WDR70: variants seen among roughly 807,000 people sequenced by gnomAD.
WDR70 encodes WD repeat domain 70, also known as WD repeat-containing protein 70.
WDR70 carries 53 observed loss-of-function variants against 88.6 expected under a neutral mutation model. The observed-to-expected ratio is 0.60, with a 90% CI of 0.48 to 0.75. The LOEUF is 0.75. Among genes scored for constraint, WDR70 ranks in the 30% least tolerant of loss-of-function variants. WDR70 has a pLI of 0.00. For synonymous variants in WDR70, 280 were observed against 270.0 expected, an observed-to-expected ratio of 1.04 and a Z score of -0.36; for missense variants, 610 against 823.2, an observed-to-expected ratio of 0.74 and a Z score of 3.17.
chr5:37,416,083 G>A (rs1170421049), intron 5 of WDR70, among the ~76,000 whole-genome samples: 1 of 152,068 alleles, frequency 6.6e-6, no homozygotes, highest in Non-Finnish European at 1.5e-5. Context: ...GCCAGGCAGA[G>A]ACGCTCCTCA....
chr5:37,726,646 C>A (rs57215834), intron 16 of WDR70, among the ~76,000 whole-genome samples: 3,196 of 152,162 alleles, frequency 0.021, 129 homozygotes, highest in African/African-American at 0.072. Context: ...ATATTGGTAT[C>A]ATTCTGTAAG....
At chr5:37,685,607 A>G (rs1746566455) in intron 10 of WDR70, among the ~76,000 whole-genome samples, 1 of 152,062 alleles carries the variant, frequency 6.6e-6, no homozygotes, top group Non-Finnish European at 1.5e-5. Context: ...CCTACAGCCA[A>G]AGTCTTCTAC....
intron 10 of WDR70, among the ~76,000 whole-genome samples, chr5:37,650,999 C>T (rs1312744818): frequency 6.7e-6 from 1 of 149,536 alleles, no homozygotes; most frequent in Admixed American, 6.7e-5. Context: ...TTCTGGGATA[C>T]ATGTGCAGAA....
At position 37,528,875 on chromosome 5, in the gene WDR70, T is replaced by C. The variant is rs150380818; in HGVS notation, c.917+12285T>C. Among the ~76,000 whole-genome samples, 696 of 151,162 alleles carry C rather than the reference T, an allele frequency of 4.6e-3. 3 individuals carry two copies. Among genetic ancestry groups the C allele is most frequent in the Admixed American group, 7.0e-3 (106 of 15,154 alleles). On this transcript the variant is annotated intron_variant, in intron 9 of 17. Transcript: ENST00000265107. ...GCATTTCCTTTTGGGTTCTTGGTCA[T>C]GAAGTCTTTGCCTAAGCCAATGTCT...
chr5:37,734,686 C>T (rs936520814), intron 17 of WDR70, among the ~76,000 whole-genome samples: 1 of 152,092 alleles, frequency 6.6e-6, no homozygotes, highest in East Asian at 1.9e-4. Context: ...CAGGGAAGAA[C>T]GTCTACAAAA....
chr5:37,379,597 G>T, intron 2 of WDR70, 43 bp downstream of exon 2: 2 of 1,607,920 alleles, frequency 1.2e-6, no homozygotes, highest in Non-Finnish European at 8.5e-7. Context: ...CTTGTGCAGA[G>T]GTTTGAAGAT....
intron 9 of WDR70, among the ~76,000 whole-genome samples, chr5:37,556,344 C>G (rs1342403979): frequency 2.0e-5 from 3 of 152,060 alleles, no homozygotes; most frequent in Non-Finnish European, 4.4e-5. Flanking sequence ...GGTAGACTAG[C>G]AAGTCCCTTA....
At chr5:37,452,624 A>G (rs752154817) in intron 7 of WDR70, among the ~76,000 whole-genome samples, 2 of 152,202 alleles carry the variant, frequency 1.3e-5, no homozygotes, top group South Asian at 2.1e-4. Flanking sequence ...GAATCCACAC[A>G]TGCCTATAAC....
At chr5:37,622,890 A>C (rs1273676816) in intron 10 of WDR70, among the ~76,000 whole-genome samples, 2 of 152,186 alleles carry the variant, frequency 1.3e-5, no homozygotes, top group Non-Finnish European at 2.9e-5. Flanking sequence ...TTAATGTATA[A>C]TAATAAAAAA....
chr5:37,472,190 C>A (rs1256972640), intron 7 of WDR70, among the ~76,000 whole-genome samples: 2 of 151,930 alleles, frequency 1.3e-5, no homozygotes, highest in Non-Finnish European at 2.9e-5. Flanking sequence ...AAAGCCTTGA[C>A]TTGAATGCTT....
At chr5:37,428,317 T>A (rs1750198410) in intron 5 of WDR70, among the ~76,000 whole-genome samples, 1 of 152,096 alleles carries the variant, frequency 6.6e-6, no homozygotes, top group South Asian at 2.1e-4. Flanking sequence ...AATTTATGAG[T>A]ATAGTTTGTG....
At chr5:37,672,215 G>T (rs1415143931) in intron 10 of WDR70, among the ~76,000 whole-genome samples, 4 of 152,144 alleles carry the variant, frequency 2.6e-5, no homozygotes, top group Non-Finnish European at 5.9e-5. Context: ...GCCCAAGAAA[G>T]CCTGGGTACT....
At chr5:37,653,594 T>C (rs912495069) in intron 10 of WDR70, among the ~76,000 whole-genome samples, 1 of 152,186 alleles carries the variant, frequency 6.6e-6, no homozygotes, top group African/African-American at 2.4e-5. Flanking sequence ...TAGTAGGCTA[T>C]TAATTACTAC....
At chr5:37,686,621 C>A (rs75892352) in intron 10 of WDR70, among the ~76,000 whole-genome samples, 8 of 148,848 alleles carry the variant, frequency 5.4e-5, no homozygotes, top group East Asian at 2.0e-4. Flanking sequence ...GCCTGTAGTC[C>A]CAGTACTTGG....
intron 12 of WDR70, 47 bp from the exon 13 acceptor site, chr5:37,702,902 G>C (rs1331922527): frequency 6.4e-7 from 1 of 1,571,934 alleles, no homozygotes; most frequent in Non-Finnish European, 8.7e-7. Context: ...TTGCTGGACT[G>C]TTGTGGAGGT....
intron 7 of WDR70, among the ~76,000 whole-genome samples, chr5:37,455,243 CTT>C (rs544303522): frequency 5.8e-4 from 71 of 123,040 alleles, no homozygotes; most frequent in Admixed American, 8.4e-4. Flanking sequence ...TTCTTTCTTT[CTT>C]TTTTTTTTTT....
chr5:37,633,553 ATAAACC>A (rs1335147251), intron 10 of WDR70, among the ~76,000 whole-genome samples: 1 of 151,956 alleles, frequency 6.6e-6, no homozygotes, highest in Non-Finnish European at 1.5e-5. Flanking sequence ...AGGTTTGCCT[ATAAACC>A]ATTTATTAGC....
intron 10 of WDR70, among the ~76,000 whole-genome samples, chr5:37,666,154 G>T (rs772967986): frequency 2.6e-5 from 4 of 152,236 alleles, no homozygotes; most frequent in Admixed American, 6.5e-5. Context: ...ATTCCACGGC[G>T]CTGTGCTTCC....
chr5:37,555,461 C>A (rs12652658), intron 9 of WDR70, among the ~76,000 whole-genome samples: 62,511 of 151,922 alleles, frequency 0.41, 15,008 homozygotes, highest in Non-Finnish European at 0.54. Flanking sequence ...TATCTAAAAG[C>A]AGTATAACAA....
Sources: gnomAD v4.1 joint callset for allele counts (sites outside exome capture counted in the v4.1 genomes callset) on GRCh38, gnomAD v4.1.1 for gene constraint, MANE v1.5 for transcripts, NCBI Gene and HGNC (gene_info 2026-07-23, HGNC 2026-07-21) for gene names.